The following VWF variants were observed in gnomAD, a reference collection of about 807,000 sequenced individuals.
The protein encoded by VWF is von Willebrand factor.
A neutral mutation model predicts 308.6 loss-of-function variants in VWF; 176 were observed. The ratio of observed to expected loss-of-function variants is 0.57; its 90% CI spans 0.50 to 0.65. The LOEUF is 0.65. Ranked by LOEUF, VWF falls within the 30% of genes least tolerant of loss-of-function variation. VWF has a pLI of 0.00. For synonymous variants in VWF, 1,385 were observed against 1,443.4 expected (o/e 0.96, Z 0.92); for missense variants, 3,146 against 3,648.2 (o/e 0.86, Z 3.55).
rs1945295126 is a variant in VWF, at chr12:6,110,447, T to A, written c.459A>T (p.Arg153Ser). 1 of 1,614,044 alleles carries A rather than the reference T, an allele frequency of 6.2e-7. No individual in the cohort carries two copies. The highest frequency in any genetic ancestry group is 8.5e-7 in the Non-Finnish European group (1 of 1,180,038). Residue 153 changes from arginine (R) to serine (S), a missense_variant, in exon 5 of 52, where the codon AGA becomes AGT. Arg to Ser is a moderately radical substitution (Grantham distance 110). Around this residue, in one of 3 missense-constraint regions of VWF, gnomAD observed 1,304 missense variants for 1,353.0 expected, o/e 0.96. Transcript: ENST00000261405. ...ACAGCCCGCAGGTCTTGTTGAAGTA[T>A]CTGTCTGACAGCAGGACTTGAAAGT... Reference protein sequence around the residue: ...SGNFQVLLSDRYFNKTCGLCG... With the variant: ...SGNFQVLLSDSYFNKTCGLCG...
At chr12:6,006,041 A>G in intron 34 of VWF, among the ~76,000 whole-genome samples, 1 of 152,372 alleles carries the variant, frequency 6.6e-6, no homozygotes. Flanking sequence ...TATAAAAATA[A>G]CTATCACTAT....
At chr12:5,959,227 A>T (rs1943283595) in intron 47 of VWF, among the ~76,000 whole-genome samples, 1 of 152,222 alleles carries the variant, frequency 6.6e-6, no homozygotes, top group African/African-American at 2.4e-5. Flanking sequence ...ATAAATAAAA[A>T]ATAAAGGAGG....
intron 14 of VWF, 90 bp from the exon 15 acceptor site, chr12:6,057,162 T>C: frequency 8.0e-7 from 1 of 1,243,412 alleles, no homozygotes; most frequent in Non-Finnish European, 1.1e-6. Flanking sequence ...AATAGCCCAG[T>C]GCTGCTAATA....
chr12:6,090,018 T>C (rs1389646570), intron 6 of VWF, among the ~76,000 whole-genome samples: 3 of 152,078 alleles, frequency 2.0e-5, no homozygotes, highest in Admixed American at 6.5e-5. Context: ...AGTGCAGTAG[T>C]GCAATCTCGG....
chr12:6,052,709 AAG>A lies in VWF; in HGVS notation c.2018_2019del (p.Ser673LeufsTer4), dbSNP rs61748462. ...TPCNLTCRSL[S>X]YPDEECNEAC... Reference sequence around the variant, plus strand: ...GCCTCATTGCATTCCTCATCCGGGTAAGAGAGAGAGCGGCAGGTCAGGTTGCA... The same window carrying A: ...GCCTCATTGCATTCCTCATCCGGGTAAGAGAGAGCGGCAGGTCAGGTTGCA... On this transcript the variant is annotated frameshift_variant, in exon 16 of 52. Coordinates refer to ENST00000261405, the MANE Select transcript of VWF (RefSeq NM_000552.5). LOFTEE classifies it high-confidence loss of function. The A allele has an allele frequency of 6.2e-7, 1 of 1,614,120 alleles. No homozygotes were observed. The highest frequency in any genetic ancestry group is 8.5e-7 in the Non-Finnish European group (1 of 1,180,014).
intron 15 of VWF, among the ~76,000 whole-genome samples, chr12:6,054,087 A>G (rs942470258): frequency 6.6e-6 from 1 of 152,150 alleles, no homozygotes; most frequent in African/African-American, 2.4e-5. Flanking sequence ...TCTCTGTTCA[A>G]ATCCATTGCT....
In VWF at chr12:6,110,229, C is replaced by T. The variant is rs115809143; in HGVS notation, c.532+145G>A. On this transcript the variant is annotated intron_variant, in intron 5 of 51. Coordinates refer to ENST00000261405, the MANE Select transcript of VWF (RefSeq NM_000552.5). ...GAGGTCTAGGCATTGGAATGGAATG[C>T]AAAGAGATAAGGTTGGCAACATAAA... The T allele has an allele frequency of 4.4e-4, 395 of 901,578 alleles. 5 individuals are homozygous for T. The African/African-American group carries it at 4.9e-3, about 11-fold the overall frequency. 55.8% of individuals were successfully genotyped at this position (901,578 alleles called of 1,614,324 possible). A position where few individuals can be genotyped will look rare whatever the true frequency, so the allele number is the denominator to read the frequency against.
chr12:5,998,484 AAAAAAAAAAAAAAAATATATATATATAT>A (rs1943832923), intron 34 of VWF, among the ~76,000 whole-genome samples: 5 of 59,894 alleles, frequency 8.3e-5, no homozygotes, highest in African/African-American at 3.9e-4. Context: ...AAAAAAAAAA[AAAAAAAAAAAAAAAATATATATATATAT>A]ATATATATAT....
rs574957976 is a variant in VWF, at chr12:6,071,402, T to C, written c.1110-59A>G. On this transcript the variant is annotated intron_variant, in intron 9 of 51. Coordinates refer to ENST00000261405, the MANE Select transcript of VWF (RefSeq NM_000552.5). ...TTCTGCAAACACAAGGGTATGCAAA[T>C]GGATTTAGAGCTCATGGTAGTTATC... 4 of 1,589,074 alleles carry C rather than the reference T, an allele frequency of 2.5e-6. No homozygotes were observed. In the South Asian group the frequency reaches 4.4e-5, roughly 18 times the overall value.
At chr12:6,092,622 T>TGAGAGTGAGAGAGAGAGAGAGAGAGAGA (rs1403649370) in intron 6 of VWF, among the ~76,000 whole-genome samples, 2 of 91,492 alleles carry the variant, frequency 2.2e-5, no homozygotes, top group African/African-American at 1.1e-4. Flanking sequence ...AGTGAGAGTG[T>TGAGAGTGAGAGAGAGAGAGAGAGAGAGA]GTGTGTGTGT....
chr12:6,061,083 C>G (rs1320077179), intron 13 of VWF, among the ~76,000 whole-genome samples: 1 of 152,168 alleles, frequency 6.6e-6, no homozygotes. Flanking sequence ...CACCTGTAAT[C>G]TCAGCTACTC....
rs201213029 is a variant in VWF, at chr12:5,969,315, A to C, written c.7625T>G (p.Ile2542Arg). The change falls in exon 45 of 52, where the codon ATA becomes AGA. Residue 2542 changes from isoleucine to arginine, a missense_variant. Physicochemically the swap from Ile to Arg is moderately conservative, Grantham distance 97. Transcript: ENST00000261405. ...GGGGCAGGAGACGTTCCTTTGTTGT[A>C]TAAAGACCTCCTCCTTCACTCGGAC... is the stretch of plus-strand genomic sequence containing the variant. ...ECVRVKEEVF[I>R]QQRNVSCPQL... is the part of the protein sequence containing the mutation. 6.2e-7 allele frequency: 1 copy of C among 1,614,186 alleles called. No homozygotes were observed. The highest frequency in any genetic ancestry group is 1.7e-5 in the Admixed American group (1 of 60,026).
chr12:6,030,586 A>T (rs1290574277), intron 21 of VWF, among the ~76,000 whole-genome samples: 1 of 152,152 alleles, frequency 6.6e-6, no homozygotes, highest in East Asian at 1.9e-4. Context: ...CCTGGGCCCC[A>T]CCCAGACCTA....
intron 16 of VWF, among the ~76,000 whole-genome samples, chr12:6,050,364 C>T (rs1018633729): frequency 1.3e-5 from 2 of 152,176 alleles, no homozygotes; most frequent in Admixed American, 6.6e-5. Context: ...TATCGGTCAA[C>T]GTCAACATTT....
At chr12:6,042,550 G>C (rs1313857082) in intron 18 of VWF, among the ~76,000 whole-genome samples, 1 of 152,236 alleles carries the variant, frequency 6.6e-6, no homozygotes, top group Non-Finnish European at 1.5e-5. Flanking sequence ...GGCATCGTAA[G>C]GAAGCAGTTG....
rs144542595 is a variant in VWF at position 5,949,184 on chromosome 12, G to A, written c.8273C>T (p.Ala2758Val). ...ATCGTTGATGTCAATGGAGTACATG[G>A]CTTTGCTGGCACATTTGCCCTGCAA... ...HYCQGKCASK[A>V]MYSIDINDVQ... is the part of the protein sequence containing the mutation. The change falls in exon 52 of 52, where the codon GCC becomes GTC. Residue 2758 changes from alanine (A) to valine (V), a missense_variant. Physicochemically the swap from Ala to Val is moderately conservative, Grantham distance 64 (BLOSUM62 0). This residue lies in a region of VWF where 989 missense variants were observed against 1,117.4 expected (regional missense o/e 0.89). Coordinates refer to ENST00000261405, the MANE Select transcript of VWF (RefSeq NM_000552.5). The A allele has an allele frequency of 1.2e-5, 19 of 1,614,024 alleles. No homozygotes were observed. The African/African-American group carries it at 2.4e-4, about 20-fold the overall frequency.
Position 5,983,298 on chromosome 12 carries a change from T to A in VWF, c.6977-44A>T, listed in dbSNP as rs1475108993. On this transcript the variant is annotated intron_variant, in intron 40 of 51. Coordinates refer to ENST00000261405, the MANE Select transcript of VWF (RefSeq NM_000552.5). ...GACGTCCATGCAGAGTTCAGAAAGG[T>A]TACTCTTTTATTACCTGTGAGTGGG... The A allele has an allele frequency of 2.5e-6, 4 of 1,585,160 alleles. No homozygotes were observed. The East Asian group carries it at 9.1e-5, about 36-fold the overall frequency.
chr12:6,082,637 G>A (rs1438323686), intron 6 of VWF, among the ~76,000 whole-genome samples: 2 of 152,184 alleles, frequency 1.3e-5, no homozygotes, highest in Non-Finnish European at 2.9e-5. Flanking sequence ...CAAATGTTGC[G>A]CTGTAGCCAA....
chr12:6,037,474 G>A (rs780684932), intron 18 of VWF, among the ~76,000 whole-genome samples: 3 of 152,170 alleles, frequency 2.0e-5, no homozygotes, highest in African/African-American at 4.8e-5. Context: ...GTCACCCCTC[G>A]GGAAACTACT....
Sources: allele counts gnomAD v4.1 joint callset (sites outside exome capture counted in the v4.1 genomes callset), GRCh38; gene constraint gnomAD v4.1.1; regional missense constraint gnomAD v4.1.1; transcripts MANE v1.5; gene names NCBI Gene and HGNC (gene_info 2026-07-23, HGNC 2026-07-21).